The following ERC1 variants were observed in gnomAD, a reference collection of about 807,000 sequenced individuals.
The protein encoded by ERC1 is RAB6 interacting protein 2.
In ERC1, 56 loss-of-function variants were observed where a neutral mutation model predicts 132.0. That is an observed-to-expected ratio of 0.42 (90% CI 0.34 to 0.53). The LOEUF (loss-of-function observed/expected upper bound fraction) is 0.53, where lower values mean the gene tolerates loss of function less well. Ranked by LOEUF, ERC1 falls within the 20% of genes least tolerant of loss-of-function variation. The pLI is 0.03. For missense variants in ERC1, 1,202 were observed against 1,349.9 expected (o/e 0.89, Z 1.72); for synonymous variants, 478 against 476.1 (o/e 1.00, Z -0.05).
intron 2 of ERC1, among the ~76,000 whole-genome samples, chr12:1,059,280 A>T (rs1973579909): frequency 6.6e-6 from 1 of 152,190 alleles, no homozygotes; most frequent in African/African-American, 2.4e-5. Context: ...TTGTCTGCAA[A>T]CAGGGACATT....
At chr12:1,371,714 G>A (rs1186682018) in intron 15 of ERC1, 119 bp from the exon 16 acceptor site, 3 of 1,296,354 alleles carry the variant, frequency 2.3e-6, no homozygotes, top group Non-Finnish European at 3.1e-6. Flanking sequence ...GGTGAATGGC[G>A]CTGTTGGCGT....
intron 7 of ERC1, among the ~76,000 whole-genome samples, chr12:1,128,874 A>G (rs1948466261): frequency 6.6e-6 from 1 of 152,212 alleles, no homozygotes; most frequent in Non-Finnish European, 1.5e-5. Context: ...GTTGCAGATT[A>G]TAGAGAGCTG....
chr12:1,416,320 G>A (rs766486799), intron 17 of ERC1, among the ~76,000 whole-genome samples: 1 of 152,194 alleles, frequency 6.6e-6, no homozygotes. Context: ...CTTGGAGGTT[G>A]AGTAAAGTTT....
intron 2 of ERC1, among the ~76,000 whole-genome samples, chr12:1,079,282 G>A (rs546168316): frequency 5.3e-5 from 8 of 151,266 alleles, no homozygotes; most frequent in African/African-American, 1.9e-4. Flanking sequence ...TTTGTAATAC[G>A]ACAAGTCGAT....
chr12:1,291,326 C>G (rs761837598), intron 15 of ERC1, among the ~76,000 whole-genome samples: 2 of 152,050 alleles, frequency 1.3e-5, no homozygotes, highest in Non-Finnish European at 2.9e-5. Context: ...GTTAGAGTTC[C>G]GAGTAGCATC....
chr12:1,436,597 G>A (rs2092955533), intron 17 of ERC1, among the ~76,000 whole-genome samples: 1 of 152,198 alleles, frequency 6.6e-6, no homozygotes, highest in Non-Finnish European at 1.5e-5. Context: ...TTGTTTTTCA[G>A]ATCCATCCGT....
At chr12:1,105,603 C>G (rs982445510) in intron 4 of ERC1, among the ~76,000 whole-genome samples, 2 of 152,082 alleles carry the variant, frequency 1.3e-5, no homozygotes, top group Admixed American at 1.3e-4. Flanking sequence ...GTTATCCGCC[C>G]GCCTCGGCCT....
At chr12:1,104,982 TCA>T (rs1316569662) in intron 4 of ERC1, among the ~76,000 whole-genome samples, 158 bp downstream of exon 4, 1 of 152,250 alleles carries the variant, frequency 6.6e-6, no homozygotes, top group African/African-American at 2.4e-5. Flanking sequence ...TAAAAGAATT[TCA>T]GTTTTATTTC....
chr12:1,354,546 G>A (rs1260623032), intron 15 of ERC1, among the ~76,000 whole-genome samples: 1 of 151,926 alleles, frequency 6.6e-6, no homozygotes, highest in Non-Finnish European at 1.5e-5. Flanking sequence ...CTTAGTTGAA[G>A]GTGCCTAGTA....
At chr12:1,175,412 T>C (rs1163709203) in intron 8 of ERC1, among the ~76,000 whole-genome samples, 2 of 152,110 alleles carry the variant, frequency 1.3e-5, no homozygotes. Flanking sequence ...CTACATATTT[T>C]GTTGTCATTT....
intron 2 of ERC1, among the ~76,000 whole-genome samples, chr12:1,037,969 G>A (rs1027170335): frequency 2.6e-5 from 4 of 151,804 alleles, no homozygotes; most frequent in Non-Finnish European, 4.4e-5. Context: ...GCGTGAACCC[G>A]GGAGGCGGCT....
chr12:1,378,857 A>C (rs1435207083), intron 16 of ERC1, among the ~76,000 whole-genome samples: 1 of 152,188 alleles, frequency 6.6e-6, no homozygotes, highest in Admixed American at 6.5e-5. Flanking sequence ...CCTTCAGATG[A>C]CATCCTGAAA....
intron 4 of ERC1, among the ~76,000 whole-genome samples, chr12:1,107,675 G>T (rs1945408981): frequency 1.3e-5 from 2 of 152,168 alleles, no homozygotes; most frequent in Admixed American, 1.3e-4. Context: ...TAAGCCAGGT[G>T]CCAAAGACTT....
intron 15 of ERC1, among the ~76,000 whole-genome samples, chr12:1,291,449 A>C (rs2079446540): frequency 6.6e-6 from 1 of 152,170 alleles, no homozygotes; most frequent in Non-Finnish European, 1.5e-5. Flanking sequence ...CCATATTTTA[A>C]AGGTTTAAAT....
Position 1,188,134 on chromosome 12 carries a change from T to C in ERC1, c.2158-1725T>C, listed in dbSNP as rs186904369. Among the ~76,000 whole-genome samples the C allele has an allele frequency of 1.6e-3, 238 of 152,346 alleles. 1 individual carries two copies. Among genetic ancestry groups the C allele is most frequent in the Admixed American group, 5.0e-3 (76 of 15,306 alleles). On this transcript the variant is annotated intron_variant, in intron 11 of 18. Transcript: ENST00000360905. ...TTAAATGCCAGCTGGCCTTCACTTT[T>C]GTTTACACAATCATCTTTTGTGCCC...
intron 14 of ERC1, among the ~76,000 whole-genome samples, chr12:1,263,594 A>G (rs1359836834): frequency 5.9e-5 from 9 of 152,212 alleles, no homozygotes; most frequent in Admixed American, 5.2e-4. Flanking sequence ...ATTGGACGAG[A>G]TGAAATGGAG....
chr12:1,156,285 C>A (rs1447898434), intron 8 of ERC1, among the ~76,000 whole-genome samples: 3 of 152,090 alleles, frequency 2.0e-5, no homozygotes. Flanking sequence ...GTCGCCCAGG[C>A]TGGAGTGCAG....
At chr12:1,138,277 A>T (rs1227496269) in intron 7 of ERC1, among the ~76,000 whole-genome samples, 3 of 135,884 alleles carry the variant, frequency 2.2e-5, no homozygotes, top group East Asian at 4.1e-4. Context: ...TATAATTACA[A>T]TATATGATAT....
intron 18 of ERC1, among the ~76,000 whole-genome samples, chr12:1,477,916 G>C (rs1198098247): frequency 6.6e-6 from 1 of 152,172 alleles, no homozygotes; most frequent in African/African-American, 2.4e-5. Flanking sequence ...TATCTGTTTT[G>C]TTATACATAT....
Sources: allele counts gnomAD v4.1 joint callset (sites outside exome capture counted in the v4.1 genomes callset), GRCh38; gene constraint gnomAD v4.1.1; transcripts MANE v1.5; gene names NCBI Gene and HGNC (gene_info 2026-07-23, HGNC 2026-07-21).